FBXO25: variants seen among roughly 807,000 people sequenced by gnomAD.
The protein encoded by FBXO25 is F-box only protein 25.
Under a neutral mutation model 51.9 loss-of-function variants are expected in FBXO25, and 45 were observed. That is an observed-to-expected ratio of 0.87 (90% confidence interval 0.68 to 1.11). The LOEUF is 1.11. FBXO25 is among the 50% of genes most tolerant of loss of function. The probability of loss-of-function intolerance (pLI) is 0.00; values close to 1 mark genes in which losing one functional copy is unlikely to be tolerated. For missense variants in FBXO25, 507 were observed against 428.5 expected, an observed-to-expected ratio of 1.18 and a Z score of -1.62; for synonymous variants, 199 against 151.0, an observed-to-expected ratio of 1.32 and a Z score of -2.33.
At chr8:467,991 A>G (rs1800295199) in intron 9 of FBXO25, 3 of 1,363,158 alleles carry the variant, frequency 2.2e-6, no homozygotes, top group East Asian at 2.9e-5. Flanking sequence ...AGATGTGCGC[A>G]TAAACACTTC....
Position 451,175 on chromosome 8 carries a change from G to A in FBXO25, c.476-94G>A, listed in dbSNP as rs1465167823. On this transcript the variant is annotated intron_variant, in intron 6 of 9. Transcript: ENST00000350302. ...TAGATCACACGTTGTTTGTCTGTTC[G>A]TCTATCAGTGGACATTTGGGTTATG... 2.0e-5 allele frequency: 21 copies of A among 1,032,954 alleles called. 1 individual carries two copies. Among genetic ancestry groups the A allele is most frequent in the South Asian group, 6.7e-5 (4 of 59,352 alleles). The allele number at this position is 1,032,954 out of a possible 1,614,324, so 64.0% of individuals were successfully genotyped here. A position where few individuals can be genotyped will look rare whatever the true frequency, so the allele number is the denominator to read the frequency against.
chr8:433,357 A>G (rs909685422), intron 4 of FBXO25, among the ~76,000 whole-genome samples: 50 of 152,284 alleles, frequency 3.3e-4, no homozygotes, highest in African/African-American at 1.2e-3. Context: ...TAAACCAAGC[A>G]TGGACTCCTG....
intron 7 of FBXO25, among the ~76,000 whole-genome samples, chr8:453,613 C>T (rs753850404): frequency 3.9e-5 from 6 of 152,136 alleles, no homozygotes; most frequent in Non-Finnish European, 8.8e-5. Context: ...CTGGCTGATG[C>T]TGGATTGCTG....
Position 463,104 on chromosome 8 carries a change from G to C in FBXO25, c.941G>C (p.Gly314Ala), listed in dbSNP as rs1214781715. ...CATTACCCAGCGAAGGAGCAGTACG[G>C]AGACACACTGCATTTCTGTCGGCAC... ...QKHYPAKEQY[G>A]DTLHFCRHCS... The change falls in exon 9 of 10, where the codon GGA becomes GCA. Residue 314 changes from glycine (G) to alanine (A), a missense_variant. Gly to Ala is a moderately conservative substitution (Grantham distance 60). Coordinates refer to ENST00000350302, the MANE Select transcript of FBXO25 (RefSeq NM_183420.2). 2 of 1,613,796 alleles carry C rather than the reference G, an allele frequency of 1.2e-6. No individual in the cohort carries two copies. Among genetic ancestry groups the C allele is most frequent in the South Asian group, 1.1e-5 (1 of 90,916 alleles).
intron 5 of FBXO25, among the ~76,000 whole-genome samples, chr8:438,454 G>T (rs190570416): frequency 2.0e-4 from 30 of 152,278 alleles, no homozygotes; most frequent in Admixed American, 1.4e-3. Flanking sequence ...ACAGTCTTAG[G>T]ATAAAAGTTA....
rs1585123087 is a variant in FBXO25 at position 477,218 on chromosome 8, A to G, written c.*8414A>G. The stretch of plus-strand genomic sequence containing the variant: ...ATCTAACATACTGTCTATCCTAGAG[A>G]AAGGTCCATTTGCACTTGAGAAAAA... On this transcript the variant is annotated 3_prime_UTR_variant, in exon 10 of 10. Transcript: ENST00000350302. The G allele has an allele frequency of 6.6e-6, 1 of 152,164 alleles. No individual in the cohort carries two copies. Among genetic ancestry groups the G allele is most frequent in the Non-Finnish European group, 1.5e-5 (1 of 68,034 alleles). The allele number at this position is 152,164 out of a possible 1,614,324, so 9.4% of individuals were successfully genotyped here.
intron 6 of FBXO25, 58 bp downstream of exon 6, chr8:450,141 G>T (rs545238483): frequency 7.8e-7 from 1 of 1,289,092 alleles, no homozygotes; most frequent in Non-Finnish European, 1.1e-6. Context: ...TTGGTGCAAG[G>T]AGATGGGATT....
intron 5 of FBXO25, among the ~76,000 whole-genome samples, chr8:449,249 G>A (rs1287520599): frequency 1.3e-5 from 2 of 152,210 alleles, no homozygotes; most frequent in Non-Finnish European, 2.9e-5. Flanking sequence ...AAGGAAAGCA[G>A]CAGCCCACTT....
Position 474,600 on chromosome 8 carries a change from G to A in FBXO25, c.*5796G>A. 1 of 395,532 alleles carries A rather than the reference G, an allele frequency of 2.5e-6. No homozygotes were observed. The allele number at this position is 395,532 out of a possible 1,614,324, so 24.5% of individuals were successfully genotyped here. On this transcript the variant is annotated 3_prime_UTR_variant, in exon 10 of 10. Coordinates refer to ENST00000350302, the MANE Select transcript of FBXO25 (RefSeq NM_183420.2). ...TGAGTGTGAAGTGGTATCCTGCTGA[G>A]ATTTTGATTTGCATTTCCGTAATGA... is the stretch of plus-strand genomic sequence containing the variant.
chr8:445,622 G>A (rs1798689868), intron 5 of FBXO25, among the ~76,000 whole-genome samples: 1 of 152,234 alleles, frequency 6.6e-6, no homozygotes, highest in Non-Finnish European at 1.5e-5. Flanking sequence ...GGAGGCCGAG[G>A]TGGGCGGATC....
chr8:459,642 C>T (rs1799679215), intron 8 of FBXO25, among the ~76,000 whole-genome samples: 1 of 152,156 alleles, frequency 6.6e-6, no homozygotes. Context: ...AAGATGACCC[C>T]GATGGGATGG....
In FBXO25 at chr8:469,734, T is replaced by A. The variant is rs907473164; in HGVS notation, c.*930T>A. The A allele has an allele frequency of 6.6e-6, 1 of 152,196 alleles. No homozygotes were observed. The highest frequency in any genetic ancestry group is 1.5e-5 in the Non-Finnish European group (1 of 68,030). 9.4% of individuals were successfully genotyped at this position (152,196 alleles called of 1,614,324 possible). A position where few individuals can be genotyped will look rare whatever the true frequency, so the allele number is the denominator to read the frequency against. ...ATTATTGTGCATGCTGAAAAGAGTA[T>A]GAAAAATCCCCTCAGCAGGCATAGG... On this transcript the variant is annotated 3_prime_UTR_variant, in exon 10 of 10. Coordinates refer to ENST00000350302, the MANE Select transcript of FBXO25 (RefSeq NM_183420.2).
In FBXO25 at chr8:419,982, C is replaced by T. The variant is rs559495170; in HGVS notation, c.134+6769C>T. 2.0e-5 allele frequency among the ~76,000 whole-genome samples: 3 copies of T among 152,220 alleles called. No individual in the cohort carries two copies. In the East Asian group the frequency reaches 5.8e-4, roughly 29 times the overall value. On this transcript the variant is annotated intron_variant, in intron 2 of 9. Transcript: ENST00000350302. ...GGTGAACCTGTACTTCACCAAACAA[C>T]TTGCATGGATTGCAGAGAAGCCCAT... is the stretch of plus-strand genomic sequence containing the variant.
At chr8:422,112 C>G (rs1244589528) in intron 2 of FBXO25, among the ~76,000 whole-genome samples, 1 of 152,140 alleles carries the variant, frequency 6.6e-6, no homozygotes, top group South Asian at 2.1e-4. Flanking sequence ...TGAAATCTAA[C>G]AGGTAAAAGA....
At chr8:443,457 A>G (rs953215932) in intron 5 of FBXO25, among the ~76,000 whole-genome samples, 26 of 151,850 alleles carry the variant, frequency 1.7e-4, no homozygotes, top group African/African-American at 6.3e-4. Flanking sequence ...TTAGTTTCAG[A>G]TAAAAAAGCA....
Position 470,144 on chromosome 8 carries a change from C to G in FBXO25, c.*1340C>G, listed in dbSNP as rs566767229. On this transcript the variant is annotated 3_prime_UTR_variant, in exon 10 of 10. Coordinates refer to ENST00000350302, the MANE Select transcript of FBXO25 (RefSeq NM_183420.2). Reference sequence around the variant, plus strand: ...TATTTGGAAACTTGGCTTTTATTAGCTCCACAGAATCACCCAGATGGAACA... The same window carrying G: ...TATTTGGAAACTTGGCTTTTATTAGGTCCACAGAATCACCCAGATGGAACA... 5.9e-5 allele frequency: 9 copies of G among 152,158 alleles called. No homozygotes were observed. The highest frequency in any genetic ancestry group is 2.2e-4 in the African/African-American group (9 of 41,520). The allele number at this position is 152,158 out of a possible 1,614,324, so 9.4% of individuals were successfully genotyped here.
chr8:412,123 T>G (rs566360402), intron 1 of FBXO25, among the ~76,000 whole-genome samples: 63 of 152,192 alleles, frequency 4.1e-4, no homozygotes, highest in Non-Finnish European at 7.2e-4. Context: ...AATCACGAAG[T>G]TGCATCATTT....
chr8:471,654 G>C lies in FBXO25; in HGVS notation c.*2850G>C, dbSNP rs1054254735. ...AGTCTGCGCTGCTCACTCAGGGCTGGTGTCTCTTGACACCCAGTTACAACT... is the reference window on the plus strand; with the variant it reads ...AGTCTGCGCTGCTCACTCAGGGCTGCTGTCTCTTGACACCCAGTTACAACT... On this transcript the variant is annotated 3_prime_UTR_variant, in exon 10 of 10. Coordinates refer to ENST00000350302, the MANE Select transcript of FBXO25 (RefSeq NM_183420.2). 1.3e-5 allele frequency: 2 copies of C among 152,172 alleles called. No individual in the cohort carries two copies. The highest frequency in any genetic ancestry group is 4.8e-5 in the African/African-American group (2 of 41,450). 9.4% of individuals were successfully genotyped at this position (152,172 alleles called of 1,614,324 possible).
chr8:412,213 A>C (rs189245629), intron 1 of FBXO25, among the ~76,000 whole-genome samples: 1 of 152,210 alleles, frequency 6.6e-6, no homozygotes, highest in East Asian at 1.9e-4. Flanking sequence ...AATATCCCTT[A>C]TCTCTCCTTT....
Sources: allele counts gnomAD v4.1 joint callset (sites outside exome capture counted in the v4.1 genomes callset), GRCh38; gene constraint gnomAD v4.1.1; transcripts MANE v1.5; gene names NCBI Gene and HGNC (gene_info 2026-07-23, HGNC 2026-07-21).